The following CLCN5 variants were observed in gnomAD, a reference collection of about 807,000 sequenced individuals.
The protein encoded by CLCN5 is Cl-/H+ antiporter 5.
A neutral mutation model predicts 54.0 loss-of-function variants in CLCN5; 17 were observed. The observed-to-expected ratio is 0.31, with a 90% confidence interval of 0.22 to 0.47. The LOEUF (loss-of-function observed/expected upper bound fraction) is 0.47, where lower values mean the gene tolerates loss of function less well. CLCN5 is among the 20% of genes least tolerant of loss of function. CLCN5 has a pLI of 1.00. For missense variants in CLCN5, 448 were observed against 646.7 expected (o/e 0.69, Z 3.33); for synonymous variants, 222 against 233.0 (o/e 0.95, Z 0.43).
intron 3 of CLCN5, among the ~76,000 whole-genome samples, chrX:49,979,170 C>A (rs190770043): frequency 9.0e-6 from 1 of 111,497 alleles, no homozygotes; most frequent in East Asian, 2.8e-4. Context: ...CTACAAAGTA[C>A]CTACTATTTA....
intron 3 of CLCN5, among the ~76,000 whole-genome samples, chrX:49,972,794 A>G (rs1240448898): frequency 8.9e-6 from 1 of 111,770 alleles, no homozygotes; most frequent in African/African-American, 3.3e-5. Context: ...ATTGTGCCAG[A>G]TGCTTCCAAC....
At chrX:50,083,490 G>T (rs782773951) in intron 9 of CLCN5, among the ~76,000 whole-genome samples, 3 of 111,923 alleles carry the variant, frequency 2.7e-5, no homozygotes, top group Non-Finnish European at 5.6e-5. Context: ...TATTAGAACA[G>T]TTATGAAATT....
intron 3 of CLCN5, among the ~76,000 whole-genome samples, chrX:49,987,567 A>G (rs1184660913): frequency 8.0e-5 from 9 of 112,169 alleles, no homozygotes; most frequent in Admixed American, 2.8e-4. Context: ...GGGAAAAACC[A>G]TATTCCTTCC....
intron 3 of CLCN5, among the ~76,000 whole-genome samples, chrX:49,931,478 A>G (rs1312258492): frequency 1.1e-3 from 127 of 112,103 alleles, no homozygotes; most frequent in Non-Finnish European, 3.6e-4. Context: ...TATCAGATAT[A>G]TGTACCCAGC....
At chrX:49,947,739 G>A (rs1240416721) in intron 3 of CLCN5, among the ~76,000 whole-genome samples, 3 of 110,643 alleles carry the variant, frequency 2.7e-5, no homozygotes, top group African/African-American at 6.6e-5. Context: ...ATTCGCTGTC[G>A]TCCATAAACA....
At chrX:50,066,470 C>T (rs992041972) in intron 4 of CLCN5, among the ~76,000 whole-genome samples, 1 of 111,831 alleles carries the variant, frequency 8.9e-6, no homozygotes, top group Admixed American at 9.5e-5. Flanking sequence ...GCAAGTAATA[C>T]TATTTCAAAG....
chrX:50,006,706 A>G (rs782004156), intron 3 of CLCN5, among the ~76,000 whole-genome samples: 36 of 111,383 alleles, frequency 3.2e-4, no homozygotes, highest in African/African-American at 7.2e-4. Flanking sequence ...TCCACATGCA[A>G]TGCACCTTGG....
chrX:50,016,254 C>A (rs1930785763), intron 3 of CLCN5, among the ~76,000 whole-genome samples: 1 of 111,631 alleles, frequency 9.0e-6, no homozygotes, highest in African/African-American at 3.3e-5. Context: ...CTTAAAATTT[C>A]TATTCTGTCA....
At chrX:50,027,120 T>G (rs1557185155) in intron 3 of CLCN5, among the ~76,000 whole-genome samples, 1 of 108,798 alleles carries the variant, frequency 9.2e-6, no homozygotes, top group Non-Finnish European at 1.9e-5. Flanking sequence ...GTTCAAGTGA[T>G]TCTCCTGCCT....
chrX:50,073,028 G>A (rs868974617), intron 6 of CLCN5, among the ~76,000 whole-genome samples: 4 of 109,924 alleles, frequency 3.6e-5, no homozygotes, highest in Admixed American at 9.7e-5. Flanking sequence ...GATATGGCTC[G>A]TACTCCCAAG....
At chrX:49,938,832 C>T (rs1370694023) in intron 3 of CLCN5, among the ~76,000 whole-genome samples, 7 of 101,030 alleles carry the variant, frequency 6.9e-5, no homozygotes, top group Non-Finnish European at 1.0e-4. Context: ...GCAAAAGAAA[C>T]CCCCATCAGA....
At chrX:50,058,203 T>C (rs1469380548) in intron 4 of CLCN5, among the ~76,000 whole-genome samples, 1 of 111,790 alleles carries the variant, frequency 8.9e-6, no homozygotes, top group Admixed American at 9.5e-5. Context: ...TTTGAATGCT[T>C]ATTTATTTCT....
intron 6 of CLCN5, among the ~76,000 whole-genome samples, chrX:50,074,138 T>C (rs1194037977): frequency 1.8e-5 from 2 of 112,207 alleles, no homozygotes; most frequent in Non-Finnish European, 3.8e-5. Flanking sequence ...TATTAGAAGC[T>C]AAATCTATTC....
intron 3 of CLCN5, among the ~76,000 whole-genome samples, chrX:49,951,980 GC>G (rs1387881068): frequency 1.8e-5 from 2 of 112,381 alleles, no homozygotes; most frequent in African/African-American, 6.5e-5. Flanking sequence ...TCCTGGATCA[GC>G]CAGGCAGCAA....
intron 3 of CLCN5, among the ~76,000 whole-genome samples, chrX:50,013,581 C>G (rs1176792104): frequency 8.9e-6 from 1 of 112,064 alleles, no homozygotes; most frequent in East Asian, 2.8e-4. Flanking sequence ...TGTGCACACA[C>G]ACATGTGTAA....
chrX:50,056,008 C>T (rs1932731712), intron 4 of CLCN5, among the ~76,000 whole-genome samples: 1 of 102,375 alleles, frequency 9.8e-6, no homozygotes, highest in African/African-American at 3.4e-5. Flanking sequence ...TGCACAGGTG[C>T]AACTGTGTCT....
At chrX:50,019,455 ACTTTTTTTTTTT>A (rs1930958883) in intron 3 of CLCN5, among the ~76,000 whole-genome samples, 1 of 77,680 alleles carries the variant, frequency 1.3e-5, no homozygotes, top group East Asian at 3.8e-4. Flanking sequence ...TTTCATGCTT[ACTTTTTTTTTTT>A]CTTTTTTTTT....
At chrX:50,076,231 C>T (rs1557192127) in intron 7 of CLCN5, among the ~76,000 whole-genome samples, 1 of 111,848 alleles carries the variant, frequency 8.9e-6, no homozygotes. Flanking sequence ...GGTATTTCTT[C>T]TTAGGTACTA....
chrX:49,944,651 A>G (rs1569536947), intron 3 of CLCN5, among the ~76,000 whole-genome samples: 1 of 111,906 alleles, frequency 8.9e-6, no homozygotes, highest in Non-Finnish European at 1.9e-5. Context: ...TTCTGCATCT[A>G]TTGAGATAAT....
Sources: allele counts gnomAD v4.1 joint callset (sites outside exome capture counted in the v4.1 genomes callset), GRCh38; gene constraint gnomAD v4.1.1; transcripts MANE v1.5; gene names NCBI Gene and HGNC (gene_info 2026-07-23, HGNC 2026-07-21).